The following GLCE variants were observed in gnomAD, a reference collection of about 807,000 sequenced individuals.
GLCE encodes D-glucuronyl C5-epimerase.
In GLCE, 19 loss-of-function variants were observed where a neutral mutation model predicts 47.9. The ratio of observed to expected loss-of-function variants is 0.40; its 90% confidence interval spans 0.28 to 0.58. The LOEUF is 0.58. GLCE is among the 20% of genes least tolerant of loss of function. The pLI is 0.48. For synonymous variants in GLCE, 245 were observed against 263.4 expected (o/e 0.93, Z 0.68); for missense variants, 556 against 743.3 (o/e 0.75, Z 2.93).
chr15:69,250,638 T>A (rs2140431944), intron 2 of GLCE, among the ~76,000 whole-genome samples: 1 of 151,976 alleles, frequency 6.6e-6, no homozygotes, highest in East Asian at 1.9e-4. Context: ...CGTCCCTCCT[T>A]AGGCAACTTG....
chr15:69,250,514 AT>A (rs948355402), intron 2 of GLCE, among the ~76,000 whole-genome samples: 1 of 150,388 alleles, frequency 6.6e-6, no homozygotes, highest in African/African-American at 2.4e-5. Context: ...GTTTTTCATT[AT>A]TTTTTTTTAA....
chr15:69,250,622 C>T (rs1264685161), intron 2 of GLCE, among the ~76,000 whole-genome samples: 8 of 151,930 alleles, frequency 5.3e-5, no homozygotes, highest in Middle Eastern at 6.8e-3. Flanking sequence ...CCAGCCTGGG[C>T]TGGTTCGTCC....
chr15:69,238,423 G>T (rs2052620706), intron 2 of GLCE, among the ~76,000 whole-genome samples: 1 of 151,808 alleles, frequency 6.6e-6, no homozygotes, highest in Non-Finnish European at 1.5e-5. Context: ...CCATATGTGG[G>T]TGATAAAAAA....
At chr15:69,213,530 A>G (rs920952994) in intron 2 of GLCE, among the ~76,000 whole-genome samples, 2 of 152,150 alleles carry the variant, frequency 1.3e-5, no homozygotes, top group Admixed American at 6.6e-5. Flanking sequence ...CTCAGCACAC[A>G]ATATCAGAAG....
At chr15:69,171,685 C>A (rs143042615) in intron 1 of GLCE, among the ~76,000 whole-genome samples, 1 of 152,106 alleles carries the variant, frequency 6.6e-6, no homozygotes, top group Non-Finnish European at 1.5e-5. Context: ...CGTGAGCCAC[C>A]GCGCCCTGCT....
chr15:69,215,539 G>GGTGTGTGTGTGTGT (rs57115250), intron 2 of GLCE, among the ~76,000 whole-genome samples: 7 of 148,916 alleles, frequency 4.7e-5, no homozygotes, highest in African/African-American at 7.4e-5. Flanking sequence ...TTACATAAAG[G>GGTGTGTGTGTGTGT]GTGTGTGTGT....
At chr15:69,230,483 T>TG (rs2052507740) in intron 2 of GLCE, among the ~76,000 whole-genome samples, 1 of 152,160 alleles carries the variant, frequency 6.6e-6, no homozygotes, top group African/African-American at 2.4e-5. Context: ...CAATTATAGT[T>TG]GGGGTCTGCA....
At position 69,173,930 on chromosome 15, in the gene GLCE, T is replaced by C. The variant is rs549210755; in HGVS notation, c.-105+13173T>C. ...TGGTGTGCAGTGGTGTGATCTTGGC[T>C]CACTGCAACCTCTGCTTCCTGGGCT... On this transcript the variant is annotated intron_variant, in intron 1 of 4. Transcript: ENST00000261858. Among the ~76,000 whole-genome samples, 7 of 152,308 alleles carry C rather than the reference T, an allele frequency of 4.6e-5. No homozygotes were observed. In the East Asian group the frequency reaches 1.4e-3, roughly 29 times the overall value.
intron 2 of GLCE, among the ~76,000 whole-genome samples, chr15:69,230,800 G>T (rs528617357): frequency 6.6e-6 from 1 of 152,304 alleles, no homozygotes; most frequent in East Asian, 1.9e-4. Flanking sequence ...TAACAACACA[G>T]ATTTATTTTA....
At chr15:69,237,030 T>A (rs759578202) in intron 2 of GLCE, among the ~76,000 whole-genome samples, 9 of 152,190 alleles carry the variant, frequency 5.9e-5, no homozygotes, top group Non-Finnish European at 1.2e-4. Flanking sequence ...TGGATATTAC[T>A]CTTATGTATC....
At chr15:69,267,535 C>T in intron 4 of GLCE, among the ~76,000 whole-genome samples, 1 of 152,178 alleles carries the variant, frequency 6.6e-6, no homozygotes, top group South Asian at 2.1e-4. Context: ...GCACTTCTAG[C>T]AAGTATGTGA....
At position 69,256,309 on chromosome 15, in the gene GLCE, A is replaced by G; in HGVS notation, c.503A>G (p.Tyr168Cys). Reference sequence around the variant, plus strand: ...AAAGTCTATGCACAGAGAGCCCCCTATCACCCCGATGGTGTGTTTATGTCT... The same window carrying G: ...AAAGTCTATGCACAGAGAGCCCCCTGTCACCCCGATGGTGTGTTTATGTCT... Reference protein sequence around the residue: ...YSKVYAQRAPYHPDGVFMSFE... With the variant: ...YSKVYAQRAPCHPDGVFMSFE... Residue 168 changes from tyrosine (Y) to cysteine (C), a missense_variant, in exon 3 of 5, where the codon TAT becomes TGT. This residue lies in a region of GLCE where 237 missense variants were observed against 310.9 expected (regional missense o/e 0.76). Coordinates refer to ENST00000261858, the MANE Select transcript of GLCE (RefSeq NM_015554.3). The G allele has an allele frequency of 1.9e-6, 3 of 1,613,966 alleles. No individual in the cohort carries two copies. The highest frequency in any genetic ancestry group is 2.2e-5 in the South Asian group (2 of 91,064).
chr15:69,188,249 C>T (rs1324911806), intron 1 of GLCE, among the ~76,000 whole-genome samples: 10 of 151,886 alleles, frequency 6.6e-5, no homozygotes, highest in Non-Finnish European at 1.5e-4. Flanking sequence ...AAACAAAAAA[C>T]AAAACAAAAC....
chr15:69,208,702 A>G (rs2052184881), intron 1 of GLCE, among the ~76,000 whole-genome samples: 1 of 152,064 alleles, frequency 6.6e-6, no homozygotes, highest in Non-Finnish European at 1.5e-5. Flanking sequence ...TTTCTAGACC[A>G]GTTTGGGGAG....
At chr15:69,198,667 A>T (rs190021992) in intron 1 of GLCE, among the ~76,000 whole-genome samples, 1 of 152,172 alleles carries the variant, frequency 6.6e-6, no homozygotes, top group African/African-American at 2.4e-5. Context: ...GAAGCACATC[A>T]CAATTTTTAT....
At chr15:69,192,432 G>A (rs1233817297) in intron 1 of GLCE, among the ~76,000 whole-genome samples, 1 of 151,814 alleles carries the variant, frequency 6.6e-6, no homozygotes, top group Non-Finnish European at 1.5e-5. Flanking sequence ...TCTCCTCATT[G>A]TGTTTGGGTT....
intron 1 of GLCE, among the ~76,000 whole-genome samples, chr15:69,185,592 A>G (rs886720911): frequency 5.9e-5 from 9 of 152,042 alleles, no homozygotes; most frequent in African/African-American, 1.9e-4. Flanking sequence ...CTGTCTTCTC[A>G]TCAAGTTGTT....
At chr15:69,174,601 A>T (rs1284312702) in intron 1 of GLCE, among the ~76,000 whole-genome samples, 1 of 151,952 alleles carries the variant, frequency 6.6e-6, no homozygotes, top group African/African-American at 2.4e-5. Flanking sequence ...CAAGAGTGAA[A>T]CTATGTCTAA....
At chr15:69,237,322 C>T (rs551643442) in intron 2 of GLCE, among the ~76,000 whole-genome samples, 10 of 152,070 alleles carry the variant, frequency 6.6e-5, no homozygotes, top group South Asian at 2.1e-4. Flanking sequence ...GGGCTGGGTG[C>T]GGTGGCTCAT....
Sources: gnomAD v4.1 joint callset for allele counts (sites outside exome capture counted in the v4.1 genomes callset) on GRCh38, gnomAD v4.1.1 for gene constraint, gnomAD v4.1.1 regional missense constraint, MANE v1.5 for transcripts, NCBI Gene and HGNC (gene_info 2026-07-23, HGNC 2026-07-21) for gene names.